The following RABEP1 variants were observed in gnomAD, a reference collection of about 807,000 sequenced individuals.
RABEP1 encodes the protein rabaptin, RAB GTPase binding effector protein 1.
A neutral mutation model predicts 123.4 loss-of-function variants in RABEP1; 51 were observed. The observed-to-expected ratio is 0.41, with a 90% CI of 0.33 to 0.52. RABEP1 has a LOEUF of 0.52. Ranked by LOEUF, RABEP1 falls within the 20% of genes least tolerant of loss-of-function variation. RABEP1 has a pLI of 0.16. For missense variants in RABEP1, 888 were observed against 996.3 expected (o/e 0.89, Z 1.46); for synonymous variants, 347 against 355.2 (o/e 0.98, Z 0.26).
Position 5,378,188 on chromosome 17 carries a change from A to T in RABEP1, c.2227A>T (p.Ser743Cys). ...TTTTTTCCTTCTAGCTTCTATTTCT[A>T]GCCTAAAAGCTGAATTAGAAAGAAT... ...NCKEEIASISSLKAELERIKV... is the reference protein window; with the variant it reads ...NCKEEIASISCLKAELERIKV... Residue 743 changes from serine to cysteine, a missense_variant, in exon 15 of 18, where the codon AGC (serine) becomes TGC (cysteine). Physicochemically the swap from Ser to Cys is moderately radical, Grantham distance 112. Transcript: ENST00000537505. 1 of 1,588,194 alleles carries T rather than the reference A, an allele frequency of 6.3e-7. No homozygotes were observed. The highest frequency in any genetic ancestry group is 8.6e-7 in the Non-Finnish European group (1 of 1,157,290).
chr17:5,365,824 A>G (rs1379499346), intron 11 of RABEP1, among the ~76,000 whole-genome samples: 2 of 152,246 alleles, frequency 1.3e-5, no homozygotes, highest in African/African-American at 4.8e-5. Flanking sequence ...TCAACAGTGT[A>G]CTATTCCTAC....
intron 2 of RABEP1, among the ~76,000 whole-genome samples, chr17:5,318,880 G>A (rs79989488): frequency 6.6e-6 from 1 of 152,016 alleles, no homozygotes; most frequent in Non-Finnish European, 1.5e-5. Flanking sequence ...ATTTGTGTAG[G>A]TACGCAAGAC....
At chr17:5,336,498 AG>A (rs1423583453) in intron 4 of RABEP1, 1 of 473,250 alleles carries the variant, frequency 2.1e-6, no homozygotes, top group Non-Finnish European at 4.2e-6. Flanking sequence ...GATCCCATCC[AG>A]GATACCATAT....
chr17:5,339,883 C>G (rs1385326039), intron 5 of RABEP1, among the ~76,000 whole-genome samples: 1 of 151,940 alleles, frequency 6.6e-6, no homozygotes, highest in African/African-American at 2.4e-5. Flanking sequence ...AGCTGATATA[C>G]CAAGTGTAGT....
At chr17:5,329,077 T>C (rs1906269357) in intron 2 of RABEP1, among the ~76,000 whole-genome samples, 1 of 145,150 alleles carries the variant, frequency 6.9e-6, no homozygotes, top group Non-Finnish European at 1.5e-5. Context: ...TTGGTATTAG[T>C]TATCAGGCAG....
chr17:5,314,377 G>C (rs1017553329), intron 2 of RABEP1, among the ~76,000 whole-genome samples: 3 of 151,006 alleles, frequency 2.0e-5, no homozygotes, highest in South Asian at 2.1e-4. Context: ...TAAGTAGCTG[G>C]GACTACAGGC....
At chr17:5,307,777 C>G (rs544672380) in intron 1 of RABEP1, among the ~76,000 whole-genome samples, 134 of 152,278 alleles carry the variant, frequency 8.8e-4, no homozygotes, top group Non-Finnish European at 1.5e-3. Flanking sequence ...GTCTGCTAAT[C>G]TCCGCACACC....
chr17:5,373,869 ATGTGG>A (rs1910753183), intron 13 of RABEP1, among the ~76,000 whole-genome samples: 1 of 152,074 alleles, frequency 6.6e-6, no homozygotes. Context: ...ATCATACGAT[ATGTGG>A]TCTTTTGTGT....
chr17:5,326,000 A>T (rs1013865267), intron 2 of RABEP1, among the ~76,000 whole-genome samples: 1 of 152,184 alleles, frequency 6.6e-6, no homozygotes, highest in Non-Finnish European at 1.5e-5. Flanking sequence ...GATACCAAAA[A>T]ATGCTGGTGA....
At chr17:5,325,732 C>A (rs543467298) in intron 2 of RABEP1, among the ~76,000 whole-genome samples, 21 of 148,714 alleles carry the variant, frequency 1.4e-4, no homozygotes, top group Admixed American at 8.0e-4. Context: ...AAAAAAAAAC[C>A]GACAAATATT....
chr17:5,371,972 T>C (rs1910559662), intron 12 of RABEP1, among the ~76,000 whole-genome samples: 1 of 152,164 alleles, frequency 6.6e-6, no homozygotes, highest in Non-Finnish European at 1.5e-5. Flanking sequence ...TACATGTATG[T>C]GTGCCCTTAA....
At chr17:5,338,268 A>G (rs1907274509) in intron 5 of RABEP1, 130 bp downstream of exon 5, 1 of 1,241,174 alleles carries the variant, frequency 8.1e-7, no homozygotes, top group Non-Finnish European at 1.1e-6. Flanking sequence ...CTTTCTTTAA[A>G]ATGCAAAAAA....
At chr17:5,332,370 A>C (rs1207801062) in intron 3 of RABEP1, among the ~76,000 whole-genome samples, 3 of 152,150 alleles carry the variant, frequency 2.0e-5, no homozygotes, top group Admixed American at 2.0e-4. Context: ...TATAATAGGG[A>C]TGTTATAGAG....
At chr17:5,319,174 CAAAA>C (rs2075327152) in intron 2 of RABEP1, among the ~76,000 whole-genome samples, 1 of 151,274 alleles carries the variant, frequency 6.6e-6, no homozygotes, top group Non-Finnish European at 1.5e-5. Context: ...TGCTAAAATA[CAAAA>C]AATTAACCGG....
chr17:5,282,613 C>A, intron 1 of RABEP1, 93 bp downstream of exon 1: 3 of 891,782 alleles, frequency 3.4e-6, no homozygotes, highest in Non-Finnish European at 4.2e-6. Context: ...GCGGCAAGGG[C>A]GCGCGCAGGC....
At chr17:5,355,732 C>CATGG (rs1908957504) in intron 8 of RABEP1, among the ~76,000 whole-genome samples, 1 of 152,042 alleles carries the variant, frequency 6.6e-6, no homozygotes, top group Non-Finnish European at 1.5e-5. Flanking sequence ...TATATATATG[C>CATGG]CCATGCTTAC....
intron 1 of RABEP1, among the ~76,000 whole-genome samples, chr17:5,305,210 T>G (rs889373762): frequency 6.1e-5 from 9 of 148,234 alleles, no homozygotes; most frequent in African/African-American, 2.3e-4. Context: ...TAAAAAGCAG[T>G]TTTTTTTGTC....
At chr17:5,357,353 A>T (rs760808457) in intron 8 of RABEP1, among the ~76,000 whole-genome samples, 10 of 151,944 alleles carry the variant, frequency 6.6e-5, no homozygotes, top group Non-Finnish European at 1.3e-4. Flanking sequence ...CTTTTAACCA[A>T]TTCCCTACTA....
intron 9 of RABEP1, 61 bp downstream of exon 9, chr17:5,361,736 G>A (rs1254121249): frequency 1.4e-6 from 2 of 1,396,740 alleles, no homozygotes; most frequent in Non-Finnish European, 1.9e-6. Flanking sequence ...GGAAGCTCTG[G>A]GATTTAGCGT....
Sources: gnomAD v4.1 joint callset for allele counts (sites outside exome capture counted in the v4.1 genomes callset) on GRCh38, gnomAD v4.1.1 for gene constraint, MANE v1.5 for transcripts, NCBI Gene and HGNC (gene_info 2026-07-23, HGNC 2026-07-21) for gene names.